MYLK: variants seen among roughly 807,000 people sequenced by gnomAD.
The protein encoded by MYLK is myosin light chain kinase, smooth muscle.
Under a neutral mutation model 203.4 loss-of-function variants are expected in MYLK, and 106 were observed. That is an observed-to-expected ratio of 0.52 (90% CI 0.45 to 0.61). The LOEUF (loss-of-function observed/expected upper bound fraction) is 0.61. Among genes scored for constraint, MYLK ranks in the 20% least tolerant of loss-of-function variants. MYLK has a pLI of 0.00. For missense variants in MYLK, 2,072 were observed against 2,442.3 expected (o/e 0.85, Z 3.20); for synonymous variants, 867 against 959.5 (o/e 0.90, Z 1.78).
In MYLK at chr3:123,840,427, A is replaced by C. The variant is rs184995087; in HGVS notation, c.-126-8757T>G. ...ATATATAGAACAAGTCTCTCTCTCT[A>C]TATATATATAAACAAATCTATGTCA... On this transcript the variant is annotated intron_variant, in intron 2 of 33. Transcript: ENST00000360304. Among the ~76,000 whole-genome samples, 1,002 of 150,436 alleles carry C rather than the reference A, an allele frequency of 6.7e-3. 11 individuals are homozygous for C. The highest frequency in any genetic ancestry group is 6.7e-3 in the Non-Finnish European group (452 of 67,644).
intron 29 of MYLK, among the ~76,000 whole-genome samples, chr3:123,631,856 C>G (rs1456433755): frequency 6.7e-6 from 1 of 150,324 alleles, no homozygotes; most frequent in Non-Finnish European, 1.5e-5. Flanking sequence ...CTCTCTGGGC[C>G]TCAGTTTCTC....
rs372526601 is a variant in MYLK at position 123,662,622 on chromosome 3, C to A, written c.3985+1483G>T. Among the ~76,000 whole-genome samples, 3 of 152,340 alleles carry A rather than the reference C, an allele frequency of 2.0e-5. 1 individual carries two copies. The highest frequency in any genetic ancestry group is 4.1e-4 in the South Asian group (2 of 4,826). On this transcript the variant is annotated intron_variant, in intron 23 of 33. Transcript: ENST00000360304. ...CAACTTCTAACTTCATATCTAGATA[C>A]TTCCATAAGAGAGATTCCAGTGGAA...
chr3:123,649,921 A>G (rs1402574866), intron 24 of MYLK, among the ~76,000 whole-genome samples: 1 of 152,226 alleles, frequency 6.6e-6, no homozygotes, highest in Non-Finnish European at 1.5e-5. Flanking sequence ...ATGGAATACA[A>G]TGAAGGCGTG....
rs1160133556 is a variant in MYLK at position 123,700,505 on chromosome 3, T to C, written c.2963A>G (p.Lys988Arg). 11 of 1,608,830 alleles carry C rather than the reference T, an allele frequency of 6.8e-6. No individual in the cohort carries two copies. Among genetic ancestry groups the C allele is most frequent in the Non-Finnish European group, 8.5e-6 (10 of 1,176,516 alleles). ...TPDFRSVLGGKKKLPAENGSS... is the reference protein window; with the variant it reads ...TPDFRSVLGGRKKLPAENGSS... ...GCCATTCTCTGCTGGTAATTTCTTC[T>C]TGCCACCCAGCACTGAGCGAAAATC... Residue 988 changes from lysine (K) to arginine (R), a missense_variant, in exon 18 of 34, where the codon AAG becomes AGG. By Grantham distance (26) the Lys-to-Arg change is conservative. Coordinates refer to ENST00000360304, the MANE Select transcript of MYLK (RefSeq NM_053025.4).
intron 23 of MYLK, among the ~76,000 whole-genome samples, chr3:123,663,449 C>T (rs1356550700): frequency 2.6e-5 from 4 of 151,900 alleles, no homozygotes; most frequent in South Asian, 4.2e-4. Flanking sequence ...GGTGAAGAAG[C>T]GGAAGTGCAG....
chr3:123,678,826 A>G (rs1400404899), intron 20 of MYLK, among the ~76,000 whole-genome samples: 1 of 152,194 alleles, frequency 6.6e-6, no homozygotes, highest in East Asian at 1.9e-4. Flanking sequence ...AAATGCATAG[A>G]AAAAAGTCAC....
chr3:123,752,028 G>A lies in MYLK; in HGVS notation c.373+303C>T, dbSNP rs144167629. ...GAGAGCTAGGGAGGGGCCAGATTGG[G>A]TGGGGCTCTGTAAGACCATCCTAAG... is the stretch of plus-strand genomic sequence containing the variant. On this transcript the variant is annotated intron_variant, in intron 5 of 33. Transcript: ENST00000360304. Among the ~76,000 whole-genome samples the A allele has an allele frequency of 3.6e-3, 553 of 152,170 alleles. 3 individuals carry two copies. Among genetic ancestry groups the A allele is most frequent in the Middle Eastern group, 0.02 (6 of 294 alleles).
chr3:123,662,063 G>C (rs937233594), intron 23 of MYLK, among the ~76,000 whole-genome samples: 14 of 152,272 alleles, frequency 9.2e-5, no homozygotes, highest in East Asian at 7.7e-4. Flanking sequence ...AGTGCTACAG[G>C]GCTTCCTAAG....
chr3:123,875,088 C>T (rs1262658113), intron 2 of MYLK, among the ~76,000 whole-genome samples: 2 of 152,068 alleles, frequency 1.3e-5, no homozygotes, highest in African/African-American at 2.4e-5. Flanking sequence ...ATTACATTTA[C>T]CATACCTCCC....
chr3:123,664,355 G>A (rs2059666006), intron 22 of MYLK, 97 bp from the exon 23 acceptor site: 6 of 1,542,808 alleles, frequency 3.9e-6, no homozygotes, highest in Non-Finnish European at 5.4e-6. Flanking sequence ...GAAGGATGCA[G>A]CTGGACAAGC....
At chr3:123,720,820 T>A (rs2062061073) in intron 13 of MYLK, among the ~76,000 whole-genome samples, 1 of 152,124 alleles carries the variant, frequency 6.6e-6, no homozygotes, top group Admixed American at 6.5e-5. Context: ...ACATTCTCCA[T>A]CAGTGCCAGT....
At chr3:123,746,371 G>A (rs1362259990) in intron 5 of MYLK, among the ~76,000 whole-genome samples, 1 of 152,024 alleles carries the variant, frequency 6.6e-6, no homozygotes, top group Non-Finnish European at 1.5e-5. Context: ...ACTGGGAAAA[G>A]CCTAAATCTA....
In MYLK at chr3:123,722,249, G is replaced by A. The variant is rs1304503358; in HGVS notation, c.1683C>T (p.Cys561=). The A allele has an allele frequency of 1.1e-5, 18 of 1,568,416 alleles. No homozygotes were observed. Among genetic ancestry groups the A allele is most frequent in the Non-Finnish European group, 1.4e-5 (16 of 1,155,990 alleles). ...TGTGGAGCTCAGCCACGCCGGCCTC[G>A]CAGGTGGAGCGAGCGTACTGGATGG... The part of the protein sequence containing the change: ...GQPIQYARST[C]EAGVAELHIQ... The change falls in exon 13 of 34, where the codon TGC becomes TGT. Residue 561 remains cysteine, a synonymous_variant. Transcript: ENST00000360304.
chr3:123,688,031 C>A (rs1025491226), intron 19 of MYLK, among the ~76,000 whole-genome samples: 2 of 152,110 alleles, frequency 1.3e-5, no homozygotes, highest in Non-Finnish European at 2.9e-5. Context: ...GGGACACCCC[C>A]ATCTCCTGGG....
chr3:123,629,653 G>T lies in MYLK; in HGVS notation c.4962-27C>A. 2 of 1,613,064 alleles carry T rather than the reference G, an allele frequency of 1.2e-6. No individual in the cohort carries two copies. The highest frequency in any genetic ancestry group is 1.7e-6 in the Non-Finnish European group (2 of 1,179,948). ...TGGAGAGACAAGAGCAGGACAGCAG[G>T]TGTGGCTAGGAGAGGGCGCGACGAC... is the stretch of plus-strand genomic sequence containing the variant. On this transcript the variant is annotated intron_variant, in intron 29 of 33. Coordinates refer to ENST00000360304, the MANE Select transcript of MYLK (RefSeq NM_053025.4). This position sits in a 1 kb window ranked among gnomAD's most constrained non-coding sequence, Gnocchi z 4.4.
intron 19 of MYLK, among the ~76,000 whole-genome samples, chr3:123,688,610 T>A (rs1302374869): frequency 6.6e-6 from 1 of 152,100 alleles, no homozygotes; most frequent in Non-Finnish European, 1.5e-5. Flanking sequence ...ATCTCATTTT[T>A]TTTGTCCTAG....
chr3:123,844,137 C>T (rs975010303), intron 2 of MYLK, among the ~76,000 whole-genome samples: 6 of 152,118 alleles, frequency 3.9e-5, no homozygotes, highest in Non-Finnish European at 8.8e-5. Flanking sequence ...GTCACATAAG[C>T]CTCTCCCATA....
At position 123,793,889 on chromosome 3, in the gene MYLK, C is replaced by T. The variant is rs376458938; in HGVS notation, c.-3-45G>A. ...GGACAAGGTCAGATCAGACAAAGCA[C>T]AGCCCTGTCTTCCCTTCAGGCATCA... is the stretch of plus-strand genomic sequence containing the variant. On this transcript the variant is annotated intron_variant, in intron 3 of 33. Coordinates refer to ENST00000360304, the MANE Select transcript of MYLK (RefSeq NM_053025.4). 1.5e-5 allele frequency: 24 copies of T among 1,608,124 alleles called. No individual in the cohort carries two copies. The Middle Eastern group carries it at 5.0e-4, about 33-fold the overall frequency.
intron 20 of MYLK, among the ~76,000 whole-genome samples, chr3:123,674,430 C>T (rs1252930179): frequency 6.6e-6 from 1 of 152,188 alleles, no homozygotes; most frequent in African/African-American, 2.4e-5. Context: ...AGTGGCTGCC[C>T]ATTGCCACTC....
Sources: gnomAD v4.1 joint callset for allele counts (sites outside exome capture counted in the v4.1 genomes callset) on GRCh38, gnomAD v4.1.1 for gene constraint, Gnocchi (gnomAD v3.1) non-coding constraint, MANE v1.5 for transcripts, NCBI Gene and HGNC (gene_info 2026-07-23, HGNC 2026-07-21) for gene names.